The following COLEC10 variants were observed in gnomAD, a reference collection of about 807,000 sequenced individuals.
COLEC10 encodes the protein collectin-10.
COLEC10 carries 22 observed loss-of-function variants against 28.4 expected under a neutral mutation model. The observed-to-expected ratio is 0.78, with a 90% confidence interval of 0.55 to 1.11. The LOEUF (loss-of-function observed/expected upper bound fraction) is 1.11, where lower values mean the gene tolerates loss of function less well. Ranked by LOEUF, COLEC10 falls within the 50% of genes least tolerant of loss-of-function variation. The pLI is 0.00. For missense variants in COLEC10, 361 were observed against 344.1 expected (o/e 1.05, Z -0.39); for synonymous variants, 125 against 116.1 (o/e 1.08, Z -0.49).
chr8:119,072,764 CG>C (rs1563734944), intron 1 of COLEC10, among the ~76,000 whole-genome samples: 1 of 152,146 alleles, frequency 6.6e-6, no homozygotes, highest in African/African-American at 2.4e-5. Flanking sequence ...AAGCTCTGCC[CG>C]GTTGCTGCTC....
upstream of COLEC10, among the ~76,000 whole-genome samples, chr8:118,994,578 G>A (rs73323412): frequency 0.02 from 3,118 of 152,250 alleles, 94 homozygotes; most frequent in African/African-American, 0.07. Flanking sequence ...AAGTCGGCCA[G>A]AGGTTATATC....
intron 2 of COLEC10, among the ~76,000 whole-genome samples, chr8:119,052,855 A>G (rs1814697559): frequency 6.6e-6 from 1 of 152,190 alleles, no homozygotes; most frequent in African/African-American, 2.4e-5. Context: ...GAGAGCTAAA[A>G]TCTCTGCAAA....
intron 2 of COLEC10, among the ~76,000 whole-genome samples, chr8:119,037,699 T>C (rs1814414001): frequency 7.2e-5 from 11 of 152,204 alleles, no homozygotes; most frequent in Admixed American, 7.2e-4. Context: ...CCATTTCTGC[T>C]CTCCACCAAG....
intron 1 of COLEC10, among the ~76,000 whole-genome samples, chr8:119,075,141 A>G (rs1009445991): frequency 6.6e-6 from 1 of 152,134 alleles, no homozygotes; most frequent in Non-Finnish European, 1.5e-5. Context: ...AGGCTATTCT[A>G]CTGGCCTTGG....
At chr8:119,091,073 A>G in intron 2 of COLEC10, 76 bp from the exon 3 acceptor site, 1 of 1,129,518 alleles carries the variant, frequency 8.9e-7, no homozygotes, top group Non-Finnish European at 1.3e-6. Flanking sequence ...TATTTCTTTC[A>G]AGTGAATATC....
upstream of COLEC10, among the ~76,000 whole-genome samples, chr8:119,066,176 C>G (rs748921559): frequency 6.6e-6 from 1 of 152,178 alleles, no homozygotes; most frequent in Non-Finnish European, 1.5e-5. Context: ...TTTCCAATTT[C>G]AAGGAAAGCA....
chr8:119,035,277 T>G lies in COLEC10; in HGVS notation n.235+25724T>G, dbSNP rs541335466. Among the ~76,000 whole-genome samples the G allele has an allele frequency of 8.1e-5, 12 of 147,374 alleles. No individual in the cohort carries two copies. In the East Asian group the frequency reaches 2.5e-3, roughly 30 times the overall value. On this transcript the variant is annotated intron_variant and non_coding_transcript_variant, in intron 2 of 6. Transcript: ENST00000521788. ...TGCATCAGCCATTCTTTTATGTACT[T>G]TCAGGAATATCTGCTATCTATGATT...
At chr8:119,017,652 C>T (rs1290796320) in intron 2 of COLEC10, among the ~76,000 whole-genome samples, 2 of 152,104 alleles carry the variant, frequency 1.3e-5, no homozygotes, top group Non-Finnish European at 2.9e-5. Flanking sequence ...AGAGTTACCC[C>T]TTCGGAGCTC....
chr8:118,989,474 A>G, the COLEC10 span, among the ~76,000 whole-genome samples: 2 of 151,644 alleles, frequency 1.3e-5, no homozygotes, highest in African/African-American at 4.8e-5. Context: ...TATACACCAA[A>G]TCATGGATTG....
chr8:119,060,194 A>AT (rs1259255217), intron 2 of COLEC10, among the ~76,000 whole-genome samples: 1 of 152,128 alleles, frequency 6.6e-6, no homozygotes, highest in Non-Finnish European at 1.5e-5. Flanking sequence ...AAAACCCACA[A>AT]TGACTGTAAG....
intron 2 of COLEC10, among the ~76,000 whole-genome samples, chr8:119,062,100 T>G (rs1814865989): frequency 6.6e-6 from 1 of 152,110 alleles, no homozygotes; most frequent in Non-Finnish European, 1.5e-5. Flanking sequence ...GTGTCCCTGC[T>G]GTGAATAATT....
upstream of COLEC10, among the ~76,000 whole-genome samples, chr8:119,062,486 T>C (rs2130198647): frequency 1.3e-5 from 2 of 152,202 alleles, no homozygotes; most frequent in South Asian, 4.2e-4. Context: ...TTGATTTTTT[T>C]TTTTTTCTTT....
chr8:118,983,813 T>C, the COLEC10 span, among the ~76,000 whole-genome samples: 2 of 152,144 alleles, frequency 1.3e-5, no homozygotes, highest in East Asian at 3.9e-4. Flanking sequence ...AGAATGGCTA[T>C]TGTTAAAAAA....
chr8:119,097,538 T>G (rs1360257901), intron 3 of COLEC10, among the ~76,000 whole-genome samples: 3 of 152,156 alleles, frequency 2.0e-5, no homozygotes, highest in Non-Finnish European at 4.4e-5. Flanking sequence ...AGTGATTTGT[T>G]TTTATTTCTT....
the COLEC10 span, among the ~76,000 whole-genome samples, chr8:118,973,034 T>G: frequency 1.3e-5 from 2 of 152,020 alleles, no homozygotes; most frequent in Admixed American, 1.3e-4. Flanking sequence ...CCCCCATGAT[T>G]CAATTACCTC....
chr8:119,106,390 A>G lies in COLEC10; in HGVS notation c.*199A>G, dbSNP rs1699898649. 1 of 537,428 alleles carries G rather than the reference A, an allele frequency of 1.9e-6. No individual in the cohort carries two copies. The highest frequency in any genetic ancestry group is 2.7e-5 in the South Asian group (1 of 37,040). 33.3% of individuals were successfully genotyped at this position (537,428 alleles called of 1,614,324 possible). On this transcript the variant is annotated 3_prime_UTR_variant, in exon 6 of 6. Transcript: ENST00000332843. ...TCACACATGGTATATTATTGACCCA[A>G]TAACTCGCCAGGTTACATGGGTCTT...
intron 3 of COLEC10, among the ~76,000 whole-genome samples, chr8:119,091,640 G>T (rs185572679): frequency 2.5e-3 from 373 of 146,726 alleles, no homozygotes; most frequent in Non-Finnish European, 3.7e-3. Flanking sequence ...AAAGAAAATT[G>T]AGGATACCCT....
intron 2 of COLEC10, among the ~76,000 whole-genome samples, chr8:119,012,662 A>C (rs1310503142): frequency 1.3e-5 from 2 of 150,740 alleles, no homozygotes; most frequent in Non-Finnish European, 3.0e-5. Flanking sequence ...ATATAGGACT[A>C]TTCAGATTGT....
chr8:118,957,611 C>G, the COLEC10 span, among the ~76,000 whole-genome samples: 1 of 152,132 alleles, frequency 6.6e-6, no homozygotes, highest in Admixed American at 6.5e-5. Context: ...CAGTAGGAAG[C>G]CATTGGCATG....
Sources: gnomAD v4.1 joint callset for allele counts (sites outside exome capture counted in the v4.1 genomes callset) on GRCh38, gnomAD v4.1.1 for gene constraint, MANE v1.5 for transcripts, NCBI Gene and HGNC (gene_info 2026-07-23, HGNC 2026-07-21) for gene names.